The following ANKRD44 variants were observed in gnomAD, a reference collection of about 807,000 sequenced individuals.
ANKRD44 encodes the protein serine/threonine-protein phosphatase 6 regulatory ankyrin repeat subunit B.
ANKRD44 carries 35 observed loss-of-function variants against 116.0 expected under a neutral mutation model. The observed-to-expected ratio is 0.30, with a 90% confidence interval of 0.23 to 0.40. The LOEUF is 0.40. Ranked by LOEUF, ANKRD44 falls within the 10% of genes least tolerant of loss-of-function variation. The pLI is 1.00. For missense variants in ANKRD44, 1,014 were observed against 1,242.6 expected (o/e 0.82, Z 2.77); for synonymous variants, 435 against 461.8 (o/e 0.94, Z 0.74).
intron 2 of ANKRD44, among the ~76,000 whole-genome samples, chr2:197,178,522 T>G (rs748424444): frequency 6.6e-6 from 1 of 152,104 alleles, no homozygotes; most frequent in Non-Finnish European, 1.5e-5. Flanking sequence ...TATCATTGTT[T>G]TATTTGAATC....
intron 26 of ANKRD44, chr2:196,994,819 G>A (rs1282242867): frequency 6.6e-6 from 1 of 152,496 alleles, no homozygotes; most frequent in Non-Finnish European, 1.5e-5. Flanking sequence ...CACCACGCCC[G>A]GCTTAAGAAT....
intron 3 of ANKRD44, among the ~76,000 whole-genome samples, chr2:197,137,076 T>G (rs2079236778): frequency 6.6e-6 from 1 of 152,114 alleles, no homozygotes; most frequent in South Asian, 2.1e-4. Flanking sequence ...TGCAAATGAA[T>G]TCACAGGAAG....
chr2:197,269,982 T>G (rs1433292279), intron 1 of ANKRD44, among the ~76,000 whole-genome samples: 6 of 152,278 alleles, frequency 3.9e-5, no homozygotes, highest in Admixed American at 3.9e-4. Flanking sequence ...GATAGGACAC[T>G]TCCATGTCTG....
chr2:197,171,996 CTT>C (rs2080247138), intron 2 of ANKRD44, among the ~76,000 whole-genome samples: 1 of 29,318 alleles, frequency 3.4e-5, no homozygotes, highest in Non-Finnish European at 1.4e-4. Context: ...CGTTATTTTT[CTT>C]CTTTTTTTTT....
intron 1 of ANKRD44, among the ~76,000 whole-genome samples, chr2:197,271,336 C>T (rs2082893170): frequency 6.6e-6 from 1 of 152,174 alleles, no homozygotes; most frequent in Admixed American, 6.6e-5. Context: ...GTTCCTTCTA[C>T]CATGTGAGGA....
chr2:197,034,434 C>T (rs185863400), intron 16 of ANKRD44, among the ~76,000 whole-genome samples: 54 of 150,104 alleles, frequency 3.6e-4, no homozygotes, highest in Non-Finnish European at 6.9e-4. Flanking sequence ...AGTTCTCATG[C>T]TCAACTACAT....
chr2:196,980,691 C>G (rs561920712), intron 21 of ANKRD44, among the ~76,000 whole-genome samples: 1 of 152,274 alleles, frequency 6.6e-6, no homozygotes, highest in South Asian at 2.1e-4. Flanking sequence ...TTCTGGAGAG[C>G]CTCATAAACA....
chr2:197,033,551 T>A (rs2076748102), intron 16 of ANKRD44, among the ~76,000 whole-genome samples: 1 of 152,138 alleles, frequency 6.6e-6, no homozygotes, highest in African/African-American at 2.4e-5. Flanking sequence ...CTAAAACCCA[T>A]GTTCTTTACA....
At chr2:197,121,605 A>AC in intron 7 of ANKRD44, 61 bp from the exon 8 acceptor site, 1 of 1,421,604 alleles carries the variant, frequency 7.0e-7, no homozygotes, top group Non-Finnish European at 9.8e-7. Flanking sequence ...TCCATTTTCC[A>AC]CAAAAAGCAT....
chr2:197,096,665 T>C (rs1039533168), intron 10 of ANKRD44, among the ~76,000 whole-genome samples: 1 of 152,248 alleles, frequency 6.6e-6, no homozygotes, highest in Non-Finnish European at 1.5e-5. Context: ...CTATATTGCT[T>C]ATGAATGAAA....
chr2:197,146,491 T>C lies in ANKRD44; in HGVS notation c.190+536A>G, dbSNP rs953241293. Reference sequence around the variant, plus strand: ...AGGGTGTGCATATATATATGGCATATATACAGTGTGCATATATAATAGCAT... The same window carrying C: ...AGGGTGTGCATATATATATGGCATACATACAGTGTGCATATATAATAGCAT... On this transcript the variant is annotated intron_variant, in intron 3 of 27. Transcript: ENST00000282272. Among the ~76,000 whole-genome samples the C allele has an allele frequency of 5.3e-5, 8 of 152,102 alleles. 1 individual carries two copies. The highest frequency in any genetic ancestry group is 1.7e-4 in the African/African-American group (7 of 41,418).
At chr2:197,108,871 C>CAACAACAAAAA (rs936579634) in intron 9 of ANKRD44, among the ~76,000 whole-genome samples, 5 of 150,566 alleles carry the variant, frequency 3.3e-5, no homozygotes, top group African/African-American at 1.2e-4. Flanking sequence ...ACAACAACAA[C>CAACAACAAAAA]AAAAACACAA....
chr2:197,013,926 C>T (rs1271753052), intron 17 of ANKRD44, among the ~76,000 whole-genome samples: 2 of 152,164 alleles, frequency 1.3e-5, no homozygotes, highest in Non-Finnish European at 1.5e-5. Flanking sequence ...ATATGAGTTT[C>T]GTGTTCTTTC....
intron 1 of ANKRD44, among the ~76,000 whole-genome samples, chr2:197,255,337 C>T (rs533965099): frequency 1.4e-4 from 22 of 152,304 alleles, no homozygotes; most frequent in African/African-American, 5.3e-4. Flanking sequence ...ATACACAGAA[C>T]ACTCATGTGA....
intron 1 of ANKRD44, among the ~76,000 whole-genome samples, chr2:197,245,001 G>A (rs966434852): frequency 6.6e-6 from 1 of 152,210 alleles, no homozygotes; most frequent in African/African-American, 2.4e-5. Flanking sequence ...AAGGCCGGGT[G>A]TGGTAGCTCA....
chr2:197,020,288 G>A (rs1384057975), intron 17 of ANKRD44, among the ~76,000 whole-genome samples: 3 of 152,150 alleles, frequency 2.0e-5, no homozygotes, highest in Non-Finnish European at 4.4e-5. Context: ...AAATCAAATG[G>A]AGTGAACCAT....
chr2:197,252,940 A>G (rs1176505216), intron 1 of ANKRD44, among the ~76,000 whole-genome samples: 2 of 152,162 alleles, frequency 1.3e-5, no homozygotes, highest in East Asian at 1.9e-4. Context: ...ATAGTACCTG[A>G]CTGCTTTAAA....
intron 16 of ANKRD44, among the ~76,000 whole-genome samples, chr2:197,073,819 C>T (rs2077609133): frequency 1.3e-5 from 2 of 152,188 alleles, no homozygotes. Context: ...AGTTGAAGCA[C>T]CAGTATCTCA....
intron 13 of ANKRD44, among the ~76,000 whole-genome samples, chr2:197,085,099 T>C (rs1419084567): frequency 6.6e-6 from 1 of 152,224 alleles, no homozygotes; most frequent in Non-Finnish European, 1.5e-5. Flanking sequence ...GACCAGCTGA[T>C]AGTCAAAGAA....
Sources: gnomAD v4.1 joint callset for allele counts (sites outside exome capture counted in the v4.1 genomes callset) on GRCh38, gnomAD v4.1.1 for gene constraint, MANE v1.5 for transcripts, NCBI Gene and HGNC (gene_info 2026-07-23, HGNC 2026-07-21) for gene names.